DNAH6: variants seen among roughly 807,000 people sequenced by gnomAD.
DNAH6 encodes the protein dynein axonemal heavy chain 6, also known as axonemal beta dynein heavy chain 6.
A neutral mutation model predicts 491.4 loss-of-function variants in DNAH6; 340 were observed. The observed-to-expected ratio is 0.69, with a 90% CI of 0.63 to 0.76. DNAH6 has a LOEUF of 0.76. DNAH6 is among the 30% of genes least tolerant of loss of function. DNAH6 has a pLI of 0.00. For missense variants in DNAH6, 4,443 were observed against 4,972.2 expected, an observed-to-expected ratio of 0.89 and a Z score of 3.20; for synonymous variants, 1,603 against 1,686.1, an observed-to-expected ratio of 0.95 and a Z score of 1.21.
At chr2:84,720,207 C>G (rs1255271873) in intron 59 of DNAH6, among the ~76,000 whole-genome samples, 1 of 151,180 alleles carries the variant, frequency 6.6e-6, no homozygotes, top group African/African-American at 2.4e-5. Context: ...GGAAGATGAC[C>G]TAGGGGGTCC....
At chr2:84,748,249 A>G (rs776558715) in intron 63 of DNAH6, among the ~76,000 whole-genome samples, 24 of 152,160 alleles carry the variant, frequency 1.6e-4, no homozygotes, top group Non-Finnish European at 3.2e-4. Flanking sequence ...GCACGCTACA[A>G]ATTTTCCAAA....
At chr2:84,767,355 G>C (rs1335022535) in intron 64 of DNAH6, among the ~76,000 whole-genome samples, 1 of 151,700 alleles carries the variant, frequency 6.6e-6, no homozygotes, top group East Asian at 1.9e-4. Flanking sequence ...AACATAGTGA[G>C]ACCCCATCAT....
At chr2:84,740,351 C>G (rs999696378) in intron 62 of DNAH6, among the ~76,000 whole-genome samples, 11 of 152,184 alleles carry the variant, frequency 7.2e-5, no homozygotes, top group African/African-American at 2.7e-4. Context: ...CACATTCACC[C>G]TCAGTAGGGC....
chr2:84,678,905 G>A (rs1242962489), intron 41 of DNAH6, among the ~76,000 whole-genome samples: 7 of 152,140 alleles, frequency 4.6e-5, no homozygotes, highest in East Asian at 1.9e-4. Context: ...TCATTACAAC[G>A]GACAGGGTAT....
intron 5 of DNAH6, among the ~76,000 whole-genome samples, chr2:84,546,063 C>T (rs1678755230): frequency 6.6e-6 from 1 of 152,100 alleles, no homozygotes. Context: ...AGTGGTCACT[C>T]TCTATTTCTT....
the DNAH6 span, among the ~76,000 whole-genome samples, chr2:84,484,040 T>C: frequency 6.6e-6 from 1 of 150,588 alleles, no homozygotes; most frequent in Non-Finnish European, 1.5e-5. Flanking sequence ...GATGAGACTG[T>C]GTTTTTGCCC....
chr2:84,666,605 A>G (rs1009344119), intron 37 of DNAH6, among the ~76,000 whole-genome samples: 5 of 152,162 alleles, frequency 3.3e-5, no homozygotes, highest in Non-Finnish European at 1.5e-5. Context: ...ATAAAAGATG[A>G]CACAAATGGA....
At chr2:84,465,505 GAAA>G in the DNAH6 span, among the ~76,000 whole-genome samples, 4 of 144,442 alleles carry the variant, frequency 2.8e-5, no homozygotes, top group African/African-American at 1.0e-4. Flanking sequence ...AAAACAAAAA[GAAA>G]AAAAAAAGAA....
intron 40 of DNAH6, among the ~76,000 whole-genome samples, chr2:84,675,965 C>G (rs915527491): frequency 7.2e-5 from 11 of 152,170 alleles, no homozygotes; most frequent in Admixed American, 6.5e-5. Flanking sequence ...TGGTATTAAC[C>G]TCTGTCCTTC....
intron 62 of DNAH6, among the ~76,000 whole-genome samples, chr2:84,734,027 C>T (rs894765898): frequency 6.6e-6 from 1 of 151,968 alleles, no homozygotes; most frequent in Admixed American, 6.6e-5. Context: ...TCCCAGAATC[C>T]CCTTATTCTC....
chr2:84,473,089 A>G, the DNAH6 span, among the ~76,000 whole-genome samples: 4 of 152,192 alleles, frequency 2.6e-5, no homozygotes, highest in South Asian at 6.2e-4. Context: ...TAAAAAGAGT[A>G]ACGGCCCCTT....
At chr2:84,523,013 T>A (rs947831674) in intron 2 of DNAH6, among the ~76,000 whole-genome samples, 2 of 151,812 alleles carry the variant, frequency 1.3e-5, no homozygotes. Flanking sequence ...CCCTTCCTCA[T>A]TTTTTTTAGA....
Position 84,805,710 on chromosome 2 carries a change from C to T in DNAH6, c.11527C>T (p.Pro3843Ser). Residue 3843 changes from proline to serine, a missense_variant, in exon 71 of 77, where the codon CCA becomes TCA. Pro to Ser is a moderately conservative substitution (Grantham distance 74). This residue lies in a region of DNAH6 where 1,463 missense variants were observed against 1,656.6 expected (regional missense o/e 0.88). Coordinates refer to ENST00000389394, the MANE Select transcript of DNAH6 (RefSeq NM_001370.2). The stretch of plus-strand genomic sequence containing the variant: ...AATCAACACCATACTTGAGGTTCAG[C>T]CAAGGTCATCTACTGGTGGAGAGGG... The part of the protein sequence containing the change: ...TLINTILEVQ[P>S]RSSTGGEGKS... 2 of 1,551,680 alleles carry T rather than the reference C, an allele frequency of 1.3e-6. No homozygotes were observed. Among genetic ancestry groups the T allele is most frequent in the Non-Finnish European group, 1.7e-6 (2 of 1,146,908 alleles).
At chr2:84,770,153 A>G (rs1211278061) in intron 64 of DNAH6, among the ~76,000 whole-genome samples, 1 of 152,226 alleles carries the variant, frequency 6.6e-6, no homozygotes. Context: ...GAATAGAGAC[A>G]TACAACAAAA....
At chr2:84,594,761 G>T (rs569380177) in intron 17 of DNAH6, among the ~76,000 whole-genome samples, 2 of 152,108 alleles carry the variant, frequency 1.3e-5, no homozygotes, top group Non-Finnish European at 2.9e-5. Context: ...TAATTAGAAG[G>T]CACATGTCTT....
At chr2:84,719,808 A>G (rs1697913996) in intron 59 of DNAH6, among the ~76,000 whole-genome samples, 1 of 151,810 alleles carries the variant, frequency 6.6e-6, no homozygotes, top group Non-Finnish European at 1.5e-5. Flanking sequence ...ACAGGAGTGA[A>G]CCACTGTGCC....
intron 37 of DNAH6, among the ~76,000 whole-genome samples, chr2:84,667,000 A>G (rs965349231): frequency 4.6e-5 from 7 of 152,122 alleles, no homozygotes; most frequent in East Asian, 1.9e-4. Context: ...ATGGGGAAAC[A>G]ATTCCCTATT....
intron 42 of DNAH6, among the ~76,000 whole-genome samples, chr2:84,683,683 A>AG (rs528539275): frequency 3.2e-4 from 49 of 152,072 alleles, no homozygotes; most frequent in Non-Finnish European, 5.4e-4. Flanking sequence ...TCGGCCTCCC[A>AG]AAGTGCTGGG....
At chr2:84,694,936 A>G (rs932116527) in intron 46 of DNAH6, among the ~76,000 whole-genome samples, 1 of 152,238 alleles carries the variant, frequency 6.6e-6, no homozygotes, top group African/African-American at 2.4e-5. Context: ...AATTAATTCT[A>G]TAGCAGAGGA....
Sources: gnomAD v4.1 joint callset for allele counts (sites outside exome capture counted in the v4.1 genomes callset) on GRCh38, gnomAD v4.1.1 for gene constraint, gnomAD v4.1.1 regional missense constraint, MANE v1.5 for transcripts, NCBI Gene and HGNC (gene_info 2026-07-23, HGNC 2026-07-21) for gene names.